TSHZ3: variants seen among roughly 807,000 people sequenced by gnomAD.
TSHZ3 encodes teashirt zinc finger homeobox 3.
In TSHZ3, 10 loss-of-function variants were observed where a neutral mutation model predicts 64.5. The observed-to-expected ratio is 0.16, with a 90% CI of 0.10 to 0.26. The LOEUF is 0.26. Ranked by LOEUF, TSHZ3 falls within the 10% of genes least tolerant of loss-of-function variation. TSHZ3 has a pLI of 1.00. For synonymous variants in TSHZ3, 608 were observed against 593.1 expected (o/e 1.03, Z -0.36); for missense variants, 1,242 against 1,421.7 (o/e 0.87, Z 2.03).
intron 3 of TSHZ3, among the ~76,000 whole-genome samples, chr19:31,234,426 T>C (rs1975580389): frequency 6.6e-6 from 1 of 152,198 alleles, no homozygotes; most frequent in Non-Finnish European, 1.5e-5. Flanking sequence ...TTATGGGAAG[T>C]AAGGAGACTG....
At chr19:31,293,303 A>G (rs1477286091) in intron 1 of TSHZ3, among the ~76,000 whole-genome samples, 1 of 152,230 alleles carries the variant, frequency 6.6e-6, no homozygotes, top group African/African-American at 2.4e-5. Context: ...TTGGTTAAAC[A>G]CAGAGCACAA....
At chr19:31,244,556 T>C (rs2145186585) in intron 1 of TSHZ3, among the ~76,000 whole-genome samples, 1 of 152,364 alleles carries the variant, frequency 6.6e-6, no homozygotes, top group African/African-American at 2.4e-5. Context: ...AGTATATCAG[T>C]ATAAAATTAG....
intron 1 of TSHZ3, among the ~76,000 whole-genome samples, chr19:31,251,700 G>C (rs1298843450): frequency 6.6e-6 from 1 of 152,180 alleles, no homozygotes; most frequent in Non-Finnish European, 1.5e-5. Context: ...AGTCCATCTG[G>C]TGTTCTCAAG....
At chr19:31,172,221 G>T (rs1974545668) in intron 5 of TSHZ3, among the ~76,000 whole-genome samples, 1 of 152,218 alleles carries the variant, frequency 6.6e-6, no homozygotes, top group Admixed American at 6.5e-5. Flanking sequence ...GCTACTGACA[G>T]CATCAACTTA....
chr19:31,322,921 T>C (rs1025707128), intron 1 of TSHZ3, among the ~76,000 whole-genome samples: 1 of 152,190 alleles, frequency 6.6e-6, no homozygotes, highest in African/African-American at 2.4e-5. Context: ...TAGCAATATA[T>C]GTCTATTGAT....
At chr19:31,231,234 G>A (rs1975535244) in intron 3 of TSHZ3, among the ~76,000 whole-genome samples, 1 of 152,086 alleles carries the variant, frequency 6.6e-6, no homozygotes, top group Admixed American at 6.5e-5. Flanking sequence ...GATTCATAGA[G>A]AAAGAAAACT....
At chr19:31,322,155 A>ATC (rs1184829557) in intron 1 of TSHZ3, among the ~76,000 whole-genome samples, 2 of 152,044 alleles carry the variant, frequency 1.3e-5, no homozygotes, top group Admixed American at 6.5e-5. Context: ...TGTTTTTCTC[A>ATC]GACGGAGTCT....
intron 1 of TSHZ3, among the ~76,000 whole-genome samples, chr19:31,311,584 GC>G (rs780146925): frequency 1.1e-4 from 17 of 152,148 alleles, no homozygotes; most frequent in Non-Finnish European, 2.5e-4. Context: ...AAGGGAACTT[GC>G]CCCTCTGCCC....
intron 1 of TSHZ3, among the ~76,000 whole-genome samples, chr19:31,290,826 T>C (rs1304051044): frequency 6.6e-6 from 1 of 152,150 alleles, no homozygotes; most frequent in African/African-American, 2.4e-5. Flanking sequence ...GCAGCTGTAA[T>C]GGCCAGGACT....
At chr19:31,245,530 G>A (rs1163791858) in intron 1 of TSHZ3, among the ~76,000 whole-genome samples, 2 of 152,156 alleles carry the variant, frequency 1.3e-5, no homozygotes, top group Non-Finnish European at 2.9e-5. Flanking sequence ...TCACGCAGAA[G>A]GTTCTTCTGC....
chr19:31,349,048 G>A, intron 1 of TSHZ3, 132 bp downstream of exon 1: 1 of 1,215,094 alleles, frequency 8.2e-7, no homozygotes, highest in Non-Finnish European at 1.1e-6. Context: ...CACCCAAACA[G>A]GAGAGCGGCG....
At chr19:31,172,767 A>G (rs564155314) in intron 5 of TSHZ3, among the ~76,000 whole-genome samples, 7 of 152,334 alleles carry the variant, frequency 4.6e-5, no homozygotes, top group African/African-American at 1.7e-4. Context: ...GATGAACAAG[A>G]TCAGGCTCAT....
At chr19:31,160,735 TAC>T (rs748252113) in intron 5 of TSHZ3, among the ~76,000 whole-genome samples, 29 of 151,722 alleles carry the variant, frequency 1.9e-4, no homozygotes, top group East Asian at 1.2e-3. Flanking sequence ...CACACACGTA[TAC>T]ACACACACAT....
chr19:31,226,978 T>TTTTTC (rs1491158209), intron 4 of TSHZ3, among the ~76,000 whole-genome samples: 3 of 33,680 alleles, frequency 8.9e-5, no homozygotes, highest in African/African-American at 3.8e-4. Flanking sequence ...TCTTTCTTTC[T>TTTTTC]TTTTTTTTTT....
intron 5 of TSHZ3, among the ~76,000 whole-genome samples, chr19:31,180,279 A>G (rs572837620): frequency 6.6e-6 from 1 of 152,274 alleles, no homozygotes; most frequent in South Asian, 2.1e-4. Flanking sequence ...AGAGTCTGTG[A>G]CTTCCAGTCC....
At chr19:31,151,299 A>T (rs1193607632) in exon 7 of TSHZ3, among the ~76,000 whole-genome samples, 1 of 152,188 alleles carries the variant, frequency 6.6e-6, no homozygotes, top group East Asian at 1.9e-4. Context: ...TCATCTGAAG[A>T]ATGCTGTACA....
At chr19:31,324,422 C>G (rs1343988753) in intron 1 of TSHZ3, among the ~76,000 whole-genome samples, 1 of 152,174 alleles carries the variant, frequency 6.6e-6, no homozygotes, top group East Asian at 1.9e-4. Flanking sequence ...TGTAAATATC[C>G]TGATTTCTTT....
chr19:31,179,916 G>A (rs1045284210), intron 5 of TSHZ3, among the ~76,000 whole-genome samples: 4 of 152,000 alleles, frequency 2.6e-5, no homozygotes, highest in African/African-American at 9.7e-5. Context: ...GCGTTCTAAG[G>A]GCTCTCAACC....
intron 4 of TSHZ3, among the ~76,000 whole-genome samples, chr19:31,213,542 AAC>A (rs1454638693): frequency 1.3e-5 from 2 of 152,032 alleles, no homozygotes; most frequent in Non-Finnish European, 1.5e-5. Flanking sequence ...ATCAAGAGTG[AAC>A]ACTGACATAG....
Sources: allele counts gnomAD v4.1 joint callset (sites outside exome capture counted in the v4.1 genomes callset), GRCh38; gene constraint gnomAD v4.1.1; transcripts MANE v1.5; gene names NCBI Gene and HGNC (gene_info 2026-07-23, HGNC 2026-07-21).